DNAJB11: variants seen among roughly 807,000 people sequenced by gnomAD.
DNAJB11 encodes the protein dnaJ homolog subfamily B member 11.
DNAJB11 carries 30 observed loss-of-function variants against 47.2 expected under a neutral mutation model. The ratio of observed to expected loss-of-function variants is 0.64; its 90% CI spans 0.48 to 0.86. The LOEUF is 0.86. DNAJB11 is among the 40% of genes least tolerant of loss of function. The pLI is 0.00. For missense variants in DNAJB11, 357 were observed against 440.2 expected, an observed-to-expected ratio of 0.81 and a Z score of 1.69; for synonymous variants, 151 against 159.9, an observed-to-expected ratio of 0.94 and a Z score of 0.42.
At position 186,585,621 on chromosome 3, in the gene DNAJB11, T is replaced by G. The variant is rs1715661450; in HGVS notation, c.*213T>G. ...GACCAGCAAAAGGTTTACTAATACC[T>G]CTCCCTTTGGGGATTTAATGTCTGG... On this transcript the variant is annotated 3_prime_UTR_variant, in exon 10 of 10. Coordinates refer to ENST00000265028, the MANE Select transcript of DNAJB11 (RefSeq NM_016306.6). 1 of 353,956 alleles carries G rather than the reference T, an allele frequency of 2.8e-6. No individual in the cohort carries two copies. The highest frequency in any genetic ancestry group is 5.2e-6 in the Non-Finnish European group (1 of 192,130). 21.9% of individuals were successfully genotyped at this position (353,956 alleles called of 1,614,324 possible).
chr3:186,582,900 C>T, intron 7 of DNAJB11, 127 bp downstream of exon 7: 1 of 712,244 alleles, frequency 1.4e-6, no homozygotes, highest in South Asian at 1.7e-5. Context: ...ATTTGTAACT[C>T]CTCTACAAGG....
intron 3 of DNAJB11, 43 bp from the exon 4 acceptor site, chr3:186,577,624 CT>C: frequency 7.4e-7 from 1 of 1,354,532 alleles, no homozygotes; most frequent in African/African-American, 1.9e-5. Flanking sequence ...AACATAGAGT[CT>C]TGATTTTTTT....
At chr3:186,581,614 C>T in intron 5 of DNAJB11, 101 bp downstream of exon 5, 1 of 1,330,464 alleles carries the variant, frequency 7.5e-7, no homozygotes, top group South Asian at 1.5e-5. Flanking sequence ...TCTGTCCCCT[C>T]CCCACTGCCA....
chr3:186,575,753 CAAAGT>C (rs1715268802), intron 2 of DNAJB11, 82 bp from the exon 3 acceptor site: 1 of 1,040,038 alleles, frequency 9.6e-7, no homozygotes, highest in South Asian at 1.4e-5. Flanking sequence ...GACCCACTGT[CAAAGT>C]AAAAACAAAC....
Position 186,572,223 on chromosome 3 carries a change from A to G in DNAJB11, c.197A>G (p.Lys66Arg), listed in dbSNP as rs1190676674. The G allele has an allele frequency of 6.2e-7, 1 of 1,612,360 alleles. No individual in the cohort carries two copies. Among genetic ancestry groups the G allele is most frequent in the East Asian group, 2.2e-5 (1 of 44,880 alleles). The change falls in exon 2 of 10, where the codon AAA becomes AGA. Residue 66 changes from lysine (K) to arginine (R), a missense_variant. Lys to Arg is a conservative substitution (Grantham distance 26). Transcript: ENST00000265028. ...RNPDDPQAQE[K>R]FQDLGAAYEV... The stretch of plus-strand genomic sequence containing the variant: ...CCTGATGATCCACAAGCCCAGGAGA[A>G]ATTCCAGGATCTGGGTGCTGCTTAT...
At chr3:186,573,519 G>C (rs1715160697) in intron 2 of DNAJB11, among the ~76,000 whole-genome samples, 2 of 152,128 alleles carry the variant, frequency 1.3e-5, no homozygotes, top group South Asian at 4.1e-4. Flanking sequence ...CTGAGTAGCT[G>C]GGACTACAGC....
intron 2 of DNAJB11, among the ~76,000 whole-genome samples, chr3:186,575,186 C>T (rs1715223927): frequency 6.8e-6 from 1 of 148,148 alleles, no homozygotes; most frequent in Non-Finnish European, 1.5e-5. Context: ...ATTTCAAACT[C>T]AGGACATTAC....
intron 2 of DNAJB11, among the ~76,000 whole-genome samples, chr3:186,575,396 T>TGC (rs1467698130): frequency 6.6e-6 from 1 of 151,956 alleles, no homozygotes; most frequent in Non-Finnish European, 1.5e-5. Context: ...TGTGTGTCTG[T>TGC]GTGTGTGTGT....
rs1198949453 is a variant in DNAJB11 at position 186,570,859 on chromosome 3, G to C, written c.-39G>C. On this transcript the variant is annotated 5_prime_UTR_variant, in exon 1 of 10. Coordinates refer to ENST00000265028, the MANE Select transcript of DNAJB11 (RefSeq NM_016306.6). ...AGCCGACGCGGCGGCGGAGGAGGCT[G>C]TGAGGAGTGTGTGGAACAGGACCCG... 16 of 1,581,640 alleles carry C rather than the reference G, an allele frequency of 1.0e-5. No homozygotes were observed. Among genetic ancestry groups the C allele is most frequent in the Admixed American group, 1.8e-5 (1 of 55,940 alleles).
intron 4 of DNAJB11, chr3:186,579,404 T>C (rs1166433500): frequency 6.6e-6 from 1 of 152,252 alleles, no homozygotes. Flanking sequence ...TTTCAACTCA[T>C]ATTTTTATGC....
rs1346880658 is a variant in DNAJB11 at position 186,584,448 on chromosome 3, A to G, written c.871A>G (p.Lys291Glu). 6 of 1,559,998 alleles carry G rather than the reference A, an allele frequency of 3.8e-6. No individual in the cohort carries two copies. Among genetic ancestry groups the G allele is most frequent in the Non-Finnish European group, 5.2e-6 (6 of 1,161,340 alleles). The stretch of plus-strand genomic sequence containing the variant: ...TTTCTAGGTACATATTTCCCGGGAT[A>G]AGATCACCAGGCCAGGAGCGAAGCT... ...DGHKVHISRD[K>E]ITRPGAKLWK... Residue 291 changes from lysine (K) to glutamate (E), a missense_variant, in exon 9 of 10, where the codon AAG becomes GAG. By Grantham distance (56) the Lys-to-Glu change is moderately conservative. Transcript: ENST00000265028.
chr3:186,585,481 T>C lies in DNAJB11; in HGVS notation c.*73T>C. The C allele has an allele frequency of 2.5e-6, 3 of 1,223,348 alleles. No individual in the cohort carries two copies. Among genetic ancestry groups the C allele is most frequent in the Admixed American group, 4.5e-5 (2 of 44,676 alleles). 75.8% of individuals were successfully genotyped at this position (1,223,348 alleles called of 1,614,324 possible). ...TTATTATCTGCAAGGTTTTTTTGTG[T>C]GTGTTTTTGTTTTTATTTTCAATAT... On this transcript the variant is annotated 3_prime_UTR_variant, in exon 10 of 10. Coordinates refer to ENST00000265028, the MANE Select transcript of DNAJB11 (RefSeq NM_016306.6).
At position 186,575,768 on chromosome 3, in the gene DNAJB11, CAT is replaced by C. The variant is rs934680973; in HGVS notation, c.226-70_226-69del. The stretch of plus-strand genomic sequence containing the variant: ...GACCCACTGTCAAAGTAAAAACAAA[CAT>C]AAATATGACTGTGCCTTAACTGGAT... On this transcript the variant is annotated intron_variant, in intron 2 of 9. Transcript: ENST00000265028. The C allele has an allele frequency of 4.9e-6, 6 of 1,218,846 alleles. No homozygotes were observed. In the African/African-American group the frequency reaches 9.1e-5, roughly 19 times the overall value. 75.5% of individuals were successfully genotyped at this position (1,218,846 alleles called of 1,614,324 possible). A position where few individuals can be genotyped will look rare whatever the true frequency, so the allele number is the denominator to read the frequency against.
chr3:186,571,026 A>AGCTTGGGGGGGGGGGGGGGG, intron 1 of DNAJB11, 61 bp downstream of exon 1: 1 of 221,226 alleles, frequency 4.5e-6, no homozygotes, highest in Non-Finnish European at 8.6e-6. Flanking sequence ...GGGGGGTGGG[A>AGCTTGGGGGGGGGGGGGGGG]GGGGGTGGGG....
At chr3:186,585,212 T>A in intron 9 of DNAJB11, 132 bp from the exon 10 acceptor site, 1 of 611,776 alleles carries the variant, frequency 1.6e-6, no homozygotes, top group Non-Finnish European at 2.8e-6. Context: ...ACGTTGGAGA[T>A]TGGTAGTTAT....
At chr3:186,572,686 T>C (rs143358959) in intron 2 of DNAJB11, among the ~76,000 whole-genome samples, 413 of 152,318 alleles carry the variant, frequency 2.7e-3, no homozygotes, top group African/African-American at 9.4e-3. Flanking sequence ...TCATATGAAC[T>C]AGACAAATAA....
chr3:186,585,123 G>A (rs1560238317), intron 9 of DNAJB11, among the ~76,000 whole-genome samples: 1 of 152,162 alleles, frequency 6.6e-6, no homozygotes, highest in Non-Finnish European at 1.5e-5. Flanking sequence ...TGTGGGACAT[G>A]TATGTGGTAT....
Position 186,585,638 on chromosome 3 carries a change from A to G in DNAJB11, c.*230A>G, listed in dbSNP as rs1449669148. The G allele has an allele frequency of 9.5e-6, 3 of 314,792 alleles. No homozygotes were observed. The highest frequency in any genetic ancestry group is 1.0e-4 in the Admixed American group (2 of 19,722). 19.5% of individuals were successfully genotyped at this position (314,792 alleles called of 1,614,324 possible). A position where few individuals can be genotyped will look rare whatever the true frequency, so the allele number is the denominator to read the frequency against. ...CTAATACCTCTCCCTTTGGGGATTT[A>G]ATGTCTGGTGCTGCCGCCTGAGTTT... On this transcript the variant is annotated 3_prime_UTR_variant, in exon 10 of 10. Transcript: ENST00000265028.
chr3:186,576,002 T>C, intron 3 of DNAJB11, 65 bp downstream of exon 3: 1 of 1,190,138 alleles, frequency 8.4e-7, no homozygotes. Flanking sequence ...GATTAAAGAA[T>C]TATTCTCATT....
Sources: allele counts gnomAD v4.1 joint callset (sites outside exome capture counted in the v4.1 genomes callset), GRCh38; gene constraint gnomAD v4.1.1; transcripts MANE v1.5; gene names NCBI Gene and HGNC (gene_info 2026-07-23, HGNC 2026-07-21).